The following MTSS1 variants were observed in gnomAD, a reference collection of about 807,000 sequenced individuals.
MTSS1 encodes protein MTSS 1.
A neutral mutation model predicts 79.0 loss-of-function variants in MTSS1; 18 were observed. The observed-to-expected ratio is 0.23, with a 90% CI of 0.16 to 0.34. The LOEUF (loss-of-function observed/expected upper bound fraction) is 0.34, where lower values mean the gene tolerates loss of function less well. Ranked by LOEUF, MTSS1 falls within the 10% of genes least tolerant of loss-of-function variation. The pLI, the probability that MTSS1 is intolerant of heterozygous loss-of-function variation, is 1.00. For missense variants in MTSS1, 815 were observed against 986.2 expected, an observed-to-expected ratio of 0.83 and a Z score of 2.33; for synonymous variants, 341 against 368.6, an observed-to-expected ratio of 0.93 and a Z score of 0.86.
chr8:124,576,471 C>T, intron 6 of MTSS1, among the ~76,000 whole-genome samples: 1 of 152,184 alleles, frequency 6.6e-6, no homozygotes, highest in Non-Finnish European at 1.5e-5. Flanking sequence ...GATGTTGGAA[C>T]ATAAATGCAT....
At position 124,557,567 on chromosome 8, in the gene MTSS1, G is replaced by A. The variant is rs954004434; in HGVS notation, c.1230+114C>T. 4 of 1,117,492 alleles carry A rather than the reference G, an allele frequency of 3.6e-6. No homozygotes were observed. The African/African-American group carries it at 6.3e-5, about 18-fold the overall frequency. The allele number at this position is 1,117,492 out of a possible 1,614,324, so 69.2% of individuals were successfully genotyped here. On this transcript the variant is annotated intron_variant, in intron 11 of 13. Transcript: ENST00000518547. ...GAGGGAGAGGCATTATGGGGAAGAAGGCAGAGTGTGAAAGGAAGGGGATGA... is the reference window on the plus strand; with the variant it reads ...GAGGGAGAGGCATTATGGGGAAGAAAGCAGAGTGTGAAAGGAAGGGGATGA...
At chr8:124,578,360 C>T (rs967613219) in intron 6 of MTSS1, among the ~76,000 whole-genome samples, 3 of 152,116 alleles carry the variant, frequency 2.0e-5, no homozygotes, top group East Asian at 1.9e-4. Context: ...TGTTGGTGCA[C>T]GCTGTCCTCT....
In MTSS1 at chr8:124,591,710, A is replaced by T. The variant is rs147196942; in HGVS notation, c.209-475T>A. On this transcript the variant is annotated intron_variant, in intron 3 of 13. Coordinates refer to ENST00000518547, the MANE Select transcript of MTSS1 (RefSeq NM_014751.6). ...AACAGCCAAGGCAGCCACGCTAGCTAATTATTTCAAGACAAATGTTCTAGA... is the reference window on the plus strand; with the variant it reads ...AACAGCCAAGGCAGCCACGCTAGCTTATTATTTCAAGACAAATGTTCTAGA... Among the ~76,000 whole-genome samples the T allele has an allele frequency of 8.7e-3, 1,323 of 152,366 alleles. 25 individuals carry two copies. The highest frequency in any genetic ancestry group is 0.03 in the African/African-American group (1,267 of 41,590).
At chr8:124,611,477 C>A (rs1367314627) in intron 3 of MTSS1, among the ~76,000 whole-genome samples, 2 of 152,140 alleles carry the variant, frequency 1.3e-5, no homozygotes, top group African/African-American at 4.8e-5. Context: ...CAGTGAGGTT[C>A]CACCAAGACA....
intron 6 of MTSS1, among the ~76,000 whole-genome samples, chr8:124,571,359 C>A (rs899920032): frequency 6.6e-6 from 1 of 152,156 alleles, no homozygotes; most frequent in African/African-American, 2.4e-5. Flanking sequence ...GTGTATGATA[C>A]GAGTCCACCA....
intron 3 of MTSS1, among the ~76,000 whole-genome samples, chr8:124,600,048 A>C (rs751763853): frequency 5.2e-5 from 4 of 77,644 alleles, no homozygotes; most frequent in Non-Finnish European, 9.1e-5. Flanking sequence ...TACAAAAAAA[A>C]AAAAAACAAA....
At chr8:124,584,746 A>G (rs1403993291) in intron 6 of MTSS1, among the ~76,000 whole-genome samples, 1 of 152,242 alleles carries the variant, frequency 6.6e-6, no homozygotes, top group Non-Finnish European at 1.5e-5. Context: ...TAATTTCTGT[A>G]ATAATTACTA....
At chr8:124,557,504 C>T (rs367923378) in intron 11 of MTSS1, among the ~76,000 whole-genome samples, 177 bp downstream of exon 11, 15 of 152,326 alleles carry the variant, frequency 9.8e-5, no homozygotes, top group East Asian at 3.9e-4. Context: ...CTTAGAGCTG[C>T]CGGCTGCTTT....
At chr8:124,695,608 C>A (rs574162519) in intron 3 of MTSS1, among the ~76,000 whole-genome samples, 1 of 152,152 alleles carries the variant, frequency 6.6e-6, no homozygotes, top group African/African-American at 2.4e-5. Context: ...CTTGTAGTAG[C>A]AAATACCTGG....
Position 124,585,094 on chromosome 8 carries a change from T to G in MTSS1, c.453A>C (p.Ala151=). The G allele has an allele frequency of 6.2e-7, 1 of 1,612,860 alleles. No homozygotes were observed. Among genetic ancestry groups the G allele is most frequent in the Non-Finnish European group, 8.5e-7 (1 of 1,179,656 alleles). ...CAGAATTTTAGGAGTTACCTTTTTTTGCTTTCTTCTGCAGTTTCAGCGTAT... is the reference window on the plus strand; with the variant it reads ...CAGAATTTTAGGAGTTACCTTTTTTGGCTTTCTTCTGCAGTTTCAGCGTAT... ...SSDTLKLQKK[A]KKGRGDIQPQ... Residue 151 remains alanine, a synonymous_variant, in exon 6 of 14, where the codon GCA becomes GCC. Coordinates refer to ENST00000518547, the MANE Select transcript of MTSS1 (RefSeq NM_014751.6).
chr8:124,699,990 T>C (rs1379613546), intron 2 of MTSS1, among the ~76,000 whole-genome samples: 3 of 151,990 alleles, frequency 2.0e-5, no homozygotes, highest in Non-Finnish European at 4.4e-5. Context: ...CTACAAAAAA[T>C]TAGCCAGGCG....
At chr8:124,686,339 A>C (rs988599388) in intron 3 of MTSS1, among the ~76,000 whole-genome samples, 4 of 152,214 alleles carry the variant, frequency 2.6e-5, no homozygotes, top group Non-Finnish European at 5.9e-5. Flanking sequence ...AAAACAAAAA[A>C]AAAAACTTGC....
rs1479654302 is a variant in MTSS1 at position 124,727,839 on chromosome 8, C to G, written c.72+45G>C. 1.3e-6 allele frequency: 2 copies of G among 1,525,326 alleles called. No individual in the cohort carries two copies. The highest frequency in any genetic ancestry group is 1.8e-4 in the Middle Eastern group (1 of 5,598). The allele number at this position is 1,525,326 out of a possible 1,614,324, so 94.5% of individuals were successfully genotyped here. A position where few individuals can be genotyped will look rare whatever the true frequency, so the allele number is the denominator to read the frequency against. On this transcript the variant is annotated intron_variant, in intron 1 of 13. Transcript: ENST00000518547. The surrounding 1 kb of genome is among the most constrained non-coding windows in gnomAD (Gnocchi z 4.7). ...TGGAGGCGAAGCGCGGCGGCGAGGT[C>G]AGAGCGCGGCGGCCGGCGCCGCAGC...
chr8:124,616,226 T>A (rs1341876824), intron 3 of MTSS1, among the ~76,000 whole-genome samples: 1 of 152,174 alleles, frequency 6.6e-6, no homozygotes, highest in Non-Finnish European at 1.5e-5. Context: ...AAGATTCCAC[T>A]GCAACAAACT....
At chr8:124,599,166 G>A (rs1307305023) in intron 3 of MTSS1, among the ~76,000 whole-genome samples, 3 of 152,300 alleles carry the variant, frequency 2.0e-5, no homozygotes, top group African/African-American at 2.4e-5. Context: ...ATTGATTACT[G>A]TACCCACTAG....
In MTSS1 at chr8:124,636,382, C is replaced by T. The variant is rs190619439; in HGVS notation, c.209-45147G>A. ...CTGACCTCAAGTGATCCGCCTGCCT[C>T]GGCCTCCCAAAGTGCTGGGATTACA... On this transcript the variant is annotated intron_variant, in intron 3 of 13. Transcript: ENST00000518547. 3.6e-3 allele frequency among the ~76,000 whole-genome samples: 547 copies of T among 152,280 alleles called. 2 individuals carry two copies. The highest frequency in any genetic ancestry group is 5.1e-3 in the Non-Finnish European group (350 of 68,018).
At chr8:124,653,255 G>A (rs1366077376) in intron 3 of MTSS1, among the ~76,000 whole-genome samples, 1 of 152,206 alleles carries the variant, frequency 6.6e-6, no homozygotes, top group African/African-American at 2.4e-5. Flanking sequence ...ATTGGTTGGG[G>A]ACAGTACAGG....
At chr8:124,647,557 C>T (rs907802365) in intron 3 of MTSS1, among the ~76,000 whole-genome samples, 1 of 152,034 alleles carries the variant, frequency 6.6e-6, no homozygotes, top group African/African-American at 2.4e-5. Context: ...AAACTTTGTA[C>T]TTTTAGCTAA....
intron 3 of MTSS1, among the ~76,000 whole-genome samples, chr8:124,620,455 C>T (rs1212162100): frequency 2.0e-5 from 3 of 152,170 alleles, no homozygotes; most frequent in African/African-American, 7.2e-5. Flanking sequence ...ACTGGCTCTA[C>T]AACTCCCAAG....
Sources: allele counts gnomAD v4.1 joint callset (sites outside exome capture counted in the v4.1 genomes callset), GRCh38; gene constraint gnomAD v4.1.1; non-coding constraint Gnocchi (gnomAD v3.1); transcripts MANE v1.5; gene names NCBI Gene and HGNC (gene_info 2026-07-23, HGNC 2026-07-21).